SUPT20H: variants seen among roughly 807,000 people sequenced by gnomAD.
SUPT20H encodes SPT20 homolog, SAGA complex component, also known as transcription factor SPT20 homolog.
SUPT20H carries 82 observed loss-of-function variants against 122.8 expected under a neutral mutation model. The ratio of observed to expected loss-of-function variants is 0.67; its 90% CI spans 0.56 to 0.80. The LOEUF is 0.80. SUPT20H is among the 30% of genes least tolerant of loss of function. The pLI is 0.00. For synonymous variants in SUPT20H, 291 were observed against 313.0 expected, an observed-to-expected ratio of 0.93 and a Z score of 0.74; for missense variants, 831 against 921.6, an observed-to-expected ratio of 0.90 and a Z score of 1.27.
At chr13:37,050,369 A>AC (rs1196961524) in intron 2 of SUPT20H, among the ~76,000 whole-genome samples, 1 of 150,940 alleles carries the variant, frequency 6.6e-6, no homozygotes, top group East Asian at 1.9e-4. Context: ...AAAAAAAAAA[A>AC]ACTTATAAGA....
In SUPT20H at chr13:37,022,919, T is replaced by C. The variant is rs145400221; in HGVS notation, c.1592-839A>G. 519 of 1,157,322 alleles carry C rather than the reference T, an allele frequency of 4.5e-4. No homozygotes were observed. In the African/African-American group the frequency reaches 6.2e-3, roughly 14 times the overall value. The allele number at this position is 1,157,322 out of a possible 1,614,324, so 71.7% of individuals were successfully genotyped here. ...TACTTCTGTTTAAATGTAGAATGTA[T>C]AGAAAATCTGTTGTGAATGAAGTAT... On this transcript the variant is annotated intron_variant, in intron 19 of 25. Transcript: ENST00000350612. This position sits in a 1 kb window ranked among gnomAD's most constrained non-coding sequence, Gnocchi z 4.5.
At chr13:37,033,108 C>T (rs763899923) in intron 10 of SUPT20H, among the ~76,000 whole-genome samples, 5 of 150,830 alleles carry the variant, frequency 3.3e-5, no homozygotes, top group Non-Finnish European at 5.9e-5. Context: ...GCAGAAAATG[C>T]AACAGTTCAA....
intron 23 of SUPT20H, among the ~76,000 whole-genome samples, chr13:37,014,849 C>A (rs1020913823): frequency 6.6e-6 from 1 of 152,086 alleles, no homozygotes; most frequent in Admixed American, 6.6e-5. Flanking sequence ...TTAAAAGGAT[C>A]CACAGGAAAA....
intron 9 of SUPT20H, chr13:37,038,230 C>G (rs1481514588): frequency 6.6e-6 from 1 of 152,124 alleles, no homozygotes; most frequent in Non-Finnish European, 1.5e-5. Flanking sequence ...ATACTGCTGT[C>G]TAGATTCACT....
intron 10 of SUPT20H, among the ~76,000 whole-genome samples, chr13:37,032,472 G>GC (rs973356994): frequency 5.9e-5 from 9 of 152,200 alleles, no homozygotes; most frequent in African/African-American, 2.2e-4. Flanking sequence ...ACAAACCACT[G>GC]CCCCAAACTT....
At chr13:37,042,363 A>G (rs1167178574) in intron 7 of SUPT20H, among the ~76,000 whole-genome samples, 2 of 152,210 alleles carry the variant, frequency 1.3e-5, no homozygotes, top group African/African-American at 4.8e-5. Context: ...GAGGCATATA[A>G]GCAATAGACT....
chr13:37,024,688 G>C (rs568493274), intron 17 of SUPT20H: 118 of 254,516 alleles, frequency 4.6e-4, no homozygotes, highest in African/African-American at 2.2e-3. Flanking sequence ...AGATTTCTGA[G>C]TAATAGGGTG....
chr13:37,037,692 A>G (rs1251336921), intron 9 of SUPT20H, among the ~76,000 whole-genome samples: 1 of 152,208 alleles, frequency 6.6e-6, no homozygotes, highest in Non-Finnish European at 1.5e-5. Flanking sequence ...ACTCAACTAC[A>G]TTACAAGAAT....
chr13:37,014,378 C>T (rs1464626232), intron 23 of SUPT20H, among the ~76,000 whole-genome samples: 2 of 152,000 alleles, frequency 1.3e-5, no homozygotes, highest in South Asian at 2.1e-4. Flanking sequence ...CTGAATGATG[C>T]CATCAAATAC....
chr13:37,054,262 A>G lies in SUPT20H; in HGVS notation c.-93-2679T>C, dbSNP rs113069790. On this transcript the variant is annotated intron_variant, in intron 1 of 25. Coordinates refer to ENST00000350612, the MANE Select transcript of SUPT20H (RefSeq NM_001014286.3). ...AAAAAGAGGGAATCCTCCCTAACTC[A>G]TTTTATGAGGCCAGCATCATCCTGA... Among the ~76,000 whole-genome samples, 598 of 152,346 alleles carry G rather than the reference A, an allele frequency of 3.9e-3. 1 individual carries two copies. The highest frequency in any genetic ancestry group is 7.2e-3 in the Non-Finnish European group (491 of 68,028).
At chr13:37,027,326 A>G (rs1427935816) in intron 14 of SUPT20H, among the ~76,000 whole-genome samples, 1 of 152,244 alleles carries the variant, frequency 6.6e-6, no homozygotes, top group African/African-American at 2.4e-5. Flanking sequence ...CTTAAAAAAA[A>G]AAGAAGAAAA....
chr13:37,025,597 C>T (rs963535634), intron 16 of SUPT20H, among the ~76,000 whole-genome samples, 160 bp from the exon 17 acceptor site: 2 of 152,100 alleles, frequency 1.3e-5, no homozygotes, highest in Non-Finnish European at 2.9e-5. Flanking sequence ...ATTAAAAGTA[C>T]ATATTTTTAA....
chr13:37,046,708 G>A (rs2066512248), intron 5 of SUPT20H, among the ~76,000 whole-genome samples: 2 of 151,896 alleles, frequency 1.3e-5, no homozygotes, highest in Admixed American at 1.3e-4. Flanking sequence ...TTGTAGTGAT[G>A]GTTTCATGAG....
intron 6 of SUPT20H, among the ~76,000 whole-genome samples, 160 bp from the exon 7 acceptor site, chr13:37,044,341 C>T (rs571989492): frequency 6.6e-6 from 1 of 151,816 alleles, no homozygotes; most frequent in African/African-American, 2.4e-5. Context: ...ACCAAAAGGC[C>T]CTCCTAATGT....
intron 7 of SUPT20H, among the ~76,000 whole-genome samples, chr13:37,042,386 A>G (rs1024809623): frequency 2.0e-5 from 3 of 152,216 alleles, no homozygotes; most frequent in Non-Finnish European, 4.4e-5. Context: ...GTAACATTTT[A>G]AAAACCCATG....
At chr13:37,014,733 A>C (rs1488041423) in intron 23 of SUPT20H, among the ~76,000 whole-genome samples, 1 of 152,210 alleles carries the variant, frequency 6.6e-6, no homozygotes, top group Admixed American at 6.5e-5. Flanking sequence ...TTAATTGTTT[A>C]TTTTAGAAAA....
intron 20 of SUPT20H, 34 bp downstream of exon 20, chr13:37,021,977 T>C: frequency 4.3e-6 from 6 of 1,384,554 alleles, no homozygotes; most frequent in Non-Finnish European, 5.8e-6. Flanking sequence ...ACTATCTTTA[T>C]AAAAAAAAAA....
intron 9 of SUPT20H, chr13:37,038,323 T>C (rs2064880610): frequency 6.6e-6 from 1 of 152,198 alleles, no homozygotes; most frequent in Admixed American, 6.5e-5. Flanking sequence ...TTCCTAAGAA[T>C]TTTCCCTCAG....
At chr13:37,038,937 T>G (rs1467800938) in intron 9 of SUPT20H, 1 of 152,208 alleles carries the variant, frequency 6.6e-6, no homozygotes, top group Non-Finnish European at 1.5e-5. Context: ...GGAAGAATTG[T>G]GAAATCACTG....
Sources: allele counts gnomAD v4.1 joint callset (sites outside exome capture counted in the v4.1 genomes callset), GRCh38; gene constraint gnomAD v4.1.1; non-coding constraint Gnocchi (gnomAD v3.1); transcripts MANE v1.5; gene names NCBI Gene and HGNC (gene_info 2026-07-23, HGNC 2026-07-21).